Variants in CSRP1 observed in about 807,000 individuals in gnomAD.
The protein encoded by CSRP1 is cysteine and glycine-rich protein 1.
A neutral mutation model predicts 25.4 loss-of-function variants in CSRP1; 16 were observed. That is an observed-to-expected ratio of 0.63 (90% CI 0.43 to 0.96). The LOEUF (loss-of-function observed/expected upper bound fraction) is 0.96, where lower values mean the gene tolerates loss of function less well. Ranked by LOEUF, CSRP1 falls within the 40% of genes least tolerant of loss-of-function variation. CSRP1 has a pLI of 0.00. For synonymous variants in CSRP1, 97 were observed against 95.3 expected, an observed-to-expected ratio of 1.02 and a Z score of -0.10; for missense variants, 212 against 243.6, an observed-to-expected ratio of 0.87 and a Z score of 0.86.
Position 201,490,361 on chromosome 1 carries a change from G to A in CSRP1, c.113-17C>T. On this transcript the variant is annotated splice_polypyrimidine_tract_variant and intron_variant, in intron 2 of 5. Coordinates refer to ENST00000340006, the MANE Select transcript of CSRP1 (RefSeq NM_004078.3). The stretch of plus-strand genomic sequence containing the variant: ...TGCAGACCACTGTGGAGGGGAAGGG[G>A]AAGCGGACGCATTGAGTTGAAGCTG... 1 of 1,610,928 alleles carries A rather than the reference G, an allele frequency of 6.2e-7. No homozygotes were observed. Among genetic ancestry groups the A allele is most frequent in the Non-Finnish European group, 8.5e-7 (1 of 1,177,748 alleles).
In CSRP1 at chr1:201,484,413, G is replaced by T. The variant is rs183704243; in HGVS notation, c.*300C>A. 4 of 517,094 alleles carry T rather than the reference G, an allele frequency of 7.7e-6. No individual in the cohort carries two copies. In the Admixed American group the frequency reaches 1.3e-4, roughly 16 times the overall value. 32.0% of individuals were successfully genotyped at this position (517,094 alleles called of 1,614,324 possible). A position where few individuals can be genotyped will look rare whatever the true frequency, so the allele number is the denominator to read the frequency against. Reference sequence around the variant, plus strand: ...CTGATGATGGACACGCAGCACAGGAGGCTAAGAACAGAGCTCTGTGGGGCG... The same window carrying T: ...CTGATGATGGACACGCAGCACAGGATGCTAAGAACAGAGCTCTGTGGGGCG... On this transcript the variant is annotated 3_prime_UTR_variant, in exon 6 of 6. Transcript: ENST00000340006.
At chr1:201,504,613 C>T (rs1172425960) in intron 1 of CSRP1, among the ~76,000 whole-genome samples, 1 of 152,176 alleles carries the variant, frequency 6.6e-6, no homozygotes, top group African/African-American at 2.4e-5. Flanking sequence ...GCCAGAAAAG[C>T]CTTCCCAATT....
At chr1:201,501,797 G>A (rs56113754) in intron 1 of CSRP1, among the ~76,000 whole-genome samples, 78,980 of 151,480 alleles carry the variant, frequency 0.52, 22,160 homozygotes, top group Non-Finnish European at 0.66. Flanking sequence ...GTTCGAGACC[G>A]GCCTGGCCAA....
intron 1 of CSRP1, among the ~76,000 whole-genome samples, chr1:201,498,217 T>G (rs892144512): frequency 2.0e-5 from 3 of 152,194 alleles, no homozygotes; most frequent in African/African-American, 4.8e-5. Flanking sequence ...CCTGCTTCTC[T>G]CCTTCCATTT....
chr1:201,490,554 C>T lies in CSRP1; in HGVS notation c.113-210G>A, dbSNP rs556401964. 68 of 525,856 alleles carry T rather than the reference C, an allele frequency of 1.3e-4. No homozygotes were observed. In the South Asian group the frequency reaches 1.6e-3, roughly 13 times the overall value. The allele number at this position is 525,856 out of a possible 1,614,324, so 32.6% of individuals were successfully genotyped here. A position where few individuals can be genotyped will look rare whatever the true frequency, so the allele number is the denominator to read the frequency against. ...ATCTGCATATCCGACTCTAGAAATGCTGGCCAACACCAATTCCTCTTCCAG... is the reference window on the plus strand; with the variant it reads ...ATCTGCATATCCGACTCTAGAAATGTTGGCCAACACCAATTCCTCTTCCAG... On this transcript the variant is annotated intron_variant, in intron 2 of 5. Coordinates refer to ENST00000340006, the MANE Select transcript of CSRP1 (RefSeq NM_004078.3).
chr1:201,496,220 G>A lies in CSRP1; in HGVS notation c.84C>T (p.Asn28=). 1.2e-6 allele frequency: 2 copies of A among 1,614,160 alleles called. No homozygotes were observed. The highest frequency in any genetic ancestry group is 2.2e-5 in the East Asian group (1 of 44,884). Residue 28 remains asparagine, a synonymous_variant, in exon 2 of 6, where the codon AAC becomes AAT. Transcript: ENST00000340006. The part of the protein sequence containing the change: ...YFAEEVQCEG[N]SFHKSCFLCM... ...ACAGGAAGCAGGATTTATGGAAGCTGTTGCCTTCGCACTGAACCTCTTCGG... is the reference window on the plus strand; with the variant it reads ...ACAGGAAGCAGGATTTATGGAAGCTATTGCCTTCGCACTGAACCTCTTCGG...
chr1:201,500,342 C>A (rs1664628763), intron 1 of CSRP1, among the ~76,000 whole-genome samples: 1 of 152,258 alleles, frequency 6.6e-6, no homozygotes, highest in Non-Finnish European at 1.5e-5. Context: ...AGACCCACAG[C>A]TCCATACAGG....
chr1:201,498,621 C>T (rs759498176), intron 1 of CSRP1, among the ~76,000 whole-genome samples: 4 of 152,204 alleles, frequency 2.6e-5, no homozygotes, highest in Non-Finnish European at 4.4e-5. Context: ...GAGGGTGACA[C>T]GGGCCTCAGC....
intron 1 of CSRP1, among the ~76,000 whole-genome samples, chr1:201,501,999 A>G (rs1664685696): frequency 6.8e-6 from 1 of 147,600 alleles, no homozygotes; most frequent in Non-Finnish European, 1.5e-5. Flanking sequence ...CTCAAAATAA[A>G]TAAATAAATA....
In CSRP1 at chr1:201,484,011, G is replaced by A. The variant is rs1373340741; in HGVS notation, c.*702C>T. On this transcript the variant is annotated 3_prime_UTR_variant, in exon 6 of 6. Coordinates refer to ENST00000340006, the MANE Select transcript of CSRP1 (RefSeq NM_004078.3). Reference sequence around the variant, plus strand: ...TTCATTAGGATCCTCCCATCAAGCAGGGAACTAGATGTTTGAGAAGATCAA... The same window carrying A: ...TTCATTAGGATCCTCCCATCAAGCAAGGAACTAGATGTTTGAGAAGATCAA... The A allele has an allele frequency of 1.4e-6, 1 of 697,486 alleles. No individual in the cohort carries two copies. The highest frequency in any genetic ancestry group is 2.6e-6 in the Non-Finnish European group (1 of 380,974). The allele number at this position is 697,486 out of a possible 1,614,324, so 43.2% of individuals were successfully genotyped here. A position where few individuals can be genotyped will look rare whatever the true frequency, so the allele number is the denominator to read the frequency against.
intron 1 of CSRP1, among the ~76,000 whole-genome samples, chr1:201,498,415 T>G (rs1439471915): frequency 1.3e-5 from 2 of 151,718 alleles, no homozygotes; most frequent in Non-Finnish European, 2.9e-5. Flanking sequence ...GGGCTGGGAG[T>G]CAGAGGGATC....
At chr1:201,490,736 A>C in intron 2 of CSRP1, 4 of 162,136 alleles carry the variant, frequency 2.5e-5, no homozygotes, top group Non-Finnish European at 4.0e-5. Context: ...ATATGTCCCA[A>C]TGGGGGAGGA....
intron 1 of CSRP1, among the ~76,000 whole-genome samples, chr1:201,501,992 AAAATAAATAAATAAATAAATAAAT>A (rs10676830): frequency 6.9e-6 from 1 of 144,436 alleles, no homozygotes; most frequent in Non-Finnish European, 1.5e-5. Flanking sequence ...ACTCAGTCTC[AAAATAAATAAATAAATAAATAAAT>A]AAATAAATAA....
chr1:201,485,198 A>T, intron 5 of CSRP1, 85 bp downstream of exon 5: 2 of 1,105,294 alleles, frequency 1.8e-6, no homozygotes, highest in Non-Finnish European at 2.8e-6. Context: ...GCCAGGAATT[A>T]GTTTACATTC....
chr1:201,500,377 G>A lies in CSRP1; in HGVS notation c.-1-4073C>T, dbSNP rs75676936. ...GCCTCCCCTTGTTTTCCCTGGCTCCGTGTCAGGGGCCCACATCCAGCAGGG... is the reference window on the plus strand; with the variant it reads ...GCCTCCCCTTGTTTTCCCTGGCTCCATGTCAGGGGCCCACATCCAGCAGGG... On this transcript the variant is annotated intron_variant, in intron 1 of 5. Coordinates refer to ENST00000340006, the MANE Select transcript of CSRP1 (RefSeq NM_004078.3). 3.5e-3 allele frequency among the ~76,000 whole-genome samples: 530 copies of A among 152,364 alleles called. 1 individual carries two copies. The highest frequency in any genetic ancestry group is 0.012 in the African/African-American group (503 of 41,584).
chr1:201,496,061 G>T, intron 2 of CSRP1, 131 bp downstream of exon 2: 1 of 691,942 alleles, frequency 1.4e-6, no homozygotes. Flanking sequence ...GCCCAGCTGC[G>T]CTTCAGCCAA....
intron 1 of CSRP1, among the ~76,000 whole-genome samples, chr1:201,503,541 CCT>C (rs1319994886): frequency 6.6e-6 from 1 of 152,088 alleles, no homozygotes; most frequent in Admixed American, 6.6e-5. Context: ...CATTTCTTCC[CCT>C]GTTGTCACCG....
At chr1:201,502,531 T>C (rs1432552605) in intron 1 of CSRP1, among the ~76,000 whole-genome samples, 5 of 152,118 alleles carry the variant, frequency 3.3e-5, no homozygotes, top group African/African-American at 1.2e-4. Flanking sequence ...ATGGCTGCCA[T>C]GGAGATGGGG....
At chr1:201,488,696 A>C in intron 4 of CSRP1, 159 bp downstream of exon 4, 1 of 742,956 alleles carries the variant, frequency 1.3e-6, no homozygotes, top group South Asian at 1.9e-5. Context: ...GAGACTGGAA[A>C]GCACAGGTAC....
Sources: gnomAD v4.1 joint callset for allele counts (sites outside exome capture counted in the v4.1 genomes callset) on GRCh38, gnomAD v4.1.1 for gene constraint, MANE v1.5 for transcripts, NCBI Gene and HGNC (gene_info 2026-07-23, HGNC 2026-07-21) for gene names.